Variants in SRC observed in about 807,000 individuals in gnomAD.
The protein encoded by SRC is proto-oncogene tyrosine-protein kinase Src.
In SRC, 13 loss-of-function variants were observed where a neutral mutation model predicts 62.9. The ratio of observed to expected loss-of-function variants is 0.21; its 90% CI spans 0.13 to 0.33. The LOEUF is 0.33. Among genes scored for constraint, SRC ranks in the 10% least tolerant of loss-of-function variants. The probability of loss-of-function intolerance (pLI) is 1.00; values close to 1 mark genes in which losing one functional copy is unlikely to be tolerated. For synonymous variants in SRC, 302 were observed against 317.5 expected (o/e 0.95, Z 0.52); for missense variants, 457 against 737.3 (o/e 0.62, Z 4.40).
At chr20:37,355,434 G>A (rs905518205) in intron 1 of SRC, among the ~76,000 whole-genome samples, 2 of 152,176 alleles carry the variant, frequency 1.3e-5, no homozygotes, top group Non-Finnish European at 2.9e-5. Context: ...TGTGGGCATC[G>A]CGGGCAAAAT....
intron 3 of SRC, 24 bp downstream of exon 3, chr20:37,382,810 C>T (rs2070385378): frequency 6.6e-6 from 1 of 152,234 alleles, no homozygotes; most frequent in South Asian, 2.1e-4. Context: ...CCTATCAGGG[C>T]TCAAGATGGG....
Position 37,384,373 on chromosome 20 carries a change from A to G in SRC, c.220A>G (p.Thr74Ala). 4 of 1,455,744 alleles carry G rather than the reference A, an allele frequency of 2.7e-6. No homozygotes were observed. Among genetic ancestry groups the G allele is most frequent in the Non-Finnish European group, 3.6e-6 (4 of 1,109,210 alleles). The allele number at this position is 1,455,744 out of a possible 1,614,324, so 90.2% of individuals were successfully genotyped here. Residue 74 changes from threonine (T) to alanine (A), a missense_variant, in exon 4 of 14, where the codon ACC becomes GCC. This residue lies in a region of SRC where 132 missense variants were observed against 135.4 expected (regional missense o/e 0.98). Transcript: ENST00000373578. The surrounding 1 kb of genome is among the most constrained non-coding windows in gnomAD (Gnocchi z 6.7). ...AGGCTTCAACTCCTCGGACACCGTC[A>G]CCTCCCCGCAGAGGGCGGGCCCGCT... The part of the protein sequence containing the change: ...FGGFNSSDTV[T>A]SPQRAGPLAG...
intron 1 of SRC, among the ~76,000 whole-genome samples, chr20:37,360,977 C>A (rs2069959702): frequency 6.6e-6 from 1 of 152,140 alleles, no homozygotes; most frequent in Non-Finnish European, 1.5e-5. Context: ...AGCTCTTAAT[C>A]CCTATGTGGT....
At chr20:37,363,359 G>A (rs140920127) in intron 1 of SRC, among the ~76,000 whole-genome samples, 3 of 152,182 alleles carry the variant, frequency 2.0e-5, no homozygotes, top group Non-Finnish European at 2.9e-5. Context: ...GCCAGACCTC[G>A]CTCTGAACAA....
chr20:37,354,012 C>T (rs559869103), intron 1 of SRC, among the ~76,000 whole-genome samples: 74 of 152,320 alleles, frequency 4.9e-4, no homozygotes, highest in African/African-American at 1.8e-3. Flanking sequence ...ACGCCCTCAG[C>T]AATGCCAGCA....
intron 2 of SRC, among the ~76,000 whole-genome samples, chr20:37,376,449 G>A (rs1030227204): frequency 1.3e-5 from 2 of 152,220 alleles, no homozygotes; most frequent in African/African-American, 4.8e-5. Flanking sequence ...TGCATGGTTA[G>A]GAAGTTGCAA....
intron 2 of SRC, among the ~76,000 whole-genome samples, chr20:37,379,509 C>G (rs1482887531): frequency 6.6e-6 from 1 of 151,744 alleles, no homozygotes; most frequent in African/African-American, 2.4e-5. Flanking sequence ...GAGTGAAGAG[C>G]CGTGTAGCTT....
At chr20:37,386,042 C>T in intron 4 of SRC, 33 bp from the exon 5 acceptor site, 1 of 1,569,096 alleles carries the variant, frequency 6.4e-7, no homozygotes, top group Non-Finnish European at 8.8e-7. Flanking sequence ...GCTGTGGCCC[C>T]ACTGTTCTGA....
chr20:37,400,070 G>A (rs1370335419), intron 9 of SRC, 45 bp from the exon 10 acceptor site: 2 of 1,540,882 alleles, frequency 1.3e-6, no homozygotes, highest in Non-Finnish European at 1.8e-6. Context: ...TGTGTGGTAG[G>A]AGTTGGGGGG....
chr20:37,401,881 C>A, intron 11 of SRC: 2 of 479,838 alleles, frequency 4.2e-6, no homozygotes, highest in Admixed American at 4.0e-5. Context: ...AAGGCCCTTA[C>A]CTGGGCATCA....
intron 5 of SRC, among the ~76,000 whole-genome samples, chr20:37,392,353 C>T (rs1419270064): frequency 2.0e-5 from 3 of 152,216 alleles, no homozygotes; most frequent in Non-Finnish European, 4.4e-5. Context: ...TCCCTCCTGG[C>T]CTCAACTTCT....
At chr20:37,353,571 A>G (rs771908384) in intron 1 of SRC, among the ~76,000 whole-genome samples, 2 of 151,966 alleles carry the variant, frequency 1.3e-5, no homozygotes, top group African/African-American at 2.4e-5. Context: ...TCCAGCACGG[A>G]GTTGAGCCCT....
At position 37,396,116 on chromosome 20, in the gene SRC, G is replaced by C. The variant is rs368943243; in HGVS notation, c.554-46G>C. ...AACGGTGTCCAGAGCAGCGGCCTGC[G>C]GGGGGAGAGGGCATGGCGGTCACGG... On this transcript the variant is annotated intron_variant, in intron 7 of 13. Transcript: ENST00000373578. The surrounding 1 kb of genome is among the most constrained non-coding windows in gnomAD (Gnocchi z 6.1). 29 of 1,597,956 alleles carry C rather than the reference G, an allele frequency of 1.8e-5. No homozygotes were observed. In the African/African-American group the frequency reaches 2.0e-4, roughly 11 times the overall value.
At chr20:37,390,092 AGTC>A (rs2070521998) in intron 5 of SRC, among the ~76,000 whole-genome samples, 1 of 152,150 alleles carries the variant, frequency 6.6e-6, no homozygotes, top group South Asian at 2.1e-4. Context: ...TGATCATCAC[AGTC>A]GTCATCTCAG....
intron 1 of SRC, among the ~76,000 whole-genome samples, chr20:37,361,992 T>TAGAGATGCTGGGGTCTCTGTGTGCAGGC (rs1348151177): frequency 1.3e-5 from 2 of 151,738 alleles, no homozygotes; most frequent in Non-Finnish European, 2.9e-5. Context: ...TGTGTGCAGG[T>TAGAGATGCTGGGGTCTCTGTGTGCAGGC]AGAGATGCTG....
At chr20:37,357,369 C>A (rs2084927847) in intron 1 of SRC, among the ~76,000 whole-genome samples, 1 of 152,200 alleles carries the variant, frequency 6.6e-6, no homozygotes, top group South Asian at 2.1e-4. Context: ...CCTTCTCAGG[C>A]AAGTCCCAGG....
At chr20:37,353,289 G>A (rs111878652) in intron 1 of SRC, among the ~76,000 whole-genome samples, 39 of 152,152 alleles carry the variant, frequency 2.6e-4, no homozygotes, top group African/African-American at 8.2e-4. Flanking sequence ...CACTGAGCCC[G>A]TCTCCTCAGT....
chr20:37,354,742 C>A (rs1393621103), intron 1 of SRC, among the ~76,000 whole-genome samples: 1 of 152,194 alleles, frequency 6.6e-6, no homozygotes, highest in African/African-American at 2.4e-5. Context: ...CTTCTGGGTG[C>A]CCTGTGGTTG....
intron 2 of SRC, among the ~76,000 whole-genome samples, chr20:37,368,434 T>TAAAG (rs1555795834): frequency 8.4e-6 from 1 of 118,378 alleles, no homozygotes; most frequent in African/African-American, 2.9e-5. Flanking sequence ...AACAGACAAA[T>TAAAG]AAACAAACAA....
Sources: allele counts gnomAD v4.1 joint callset (sites outside exome capture counted in the v4.1 genomes callset), GRCh38; gene constraint gnomAD v4.1.1; regional missense constraint gnomAD v4.1.1; non-coding constraint Gnocchi (gnomAD v3.1); transcripts MANE v1.5; gene names NCBI Gene and HGNC (gene_info 2026-07-23, HGNC 2026-07-21).